The following MITF variants were observed in gnomAD, a reference collection of about 807,000 sequenced individuals.
MITF encodes the protein melanocyte inducing transcription factor.
In MITF, 17 loss-of-function variants were observed where a neutral mutation model predicts 60.5. The observed-to-expected ratio is 0.28, with a 90% CI of 0.19 to 0.42. MITF has a LOEUF of 0.42. MITF is among the 10% of genes least tolerant of loss of function. MITF has a pLI of 1.00. For missense variants in MITF, 622 were observed against 683.5 expected, an observed-to-expected ratio of 0.91 and a Z score of 1.00; for synonymous variants, 260 against 248.5, an observed-to-expected ratio of 1.05 and a Z score of -0.43.
chr3:69,764,782 C>T (rs969514479), intron 1 of MITF, among the ~76,000 whole-genome samples: 2 of 152,198 alleles, frequency 1.3e-5, no homozygotes, highest in East Asian at 1.9e-4. Context: ...TTTGTTTGTT[C>T]AGAGCCTTTG....
intron 1 of MITF, among the ~76,000 whole-genome samples, chr3:69,849,001 G>A (rs1029576078): frequency 9.1e-6 from 1 of 109,788 alleles, no homozygotes; most frequent in Non-Finnish European, 1.7e-5. Flanking sequence ...GTCTCGCTCT[G>A]TCGCCCAGGC....
intron 1 of MITF, among the ~76,000 whole-genome samples, chr3:69,818,866 C>T (rs1387113396): frequency 6.6e-6 from 1 of 152,044 alleles, no homozygotes; most frequent in Non-Finnish European, 1.5e-5. Context: ...ATGCTAGAGT[C>T]CCATGGGCAT....
chr3:69,906,138 A>C (rs1266154186), intron 2 of MITF, among the ~76,000 whole-genome samples: 4 of 152,194 alleles, frequency 2.6e-5, no homozygotes, highest in Non-Finnish European at 5.9e-5. Context: ...TTTTTATATA[A>C]GTTATAAAAC....
chr3:69,965,473 G>A lies in MITF; in HGVS notation c.*225G>A. ...CCTCCAAAGTATTGTACAAATAAGTGTGCAGTATCTGTGAACTGAATTCAC... is the reference window on the plus strand; with the variant it reads ...CCTCCAAAGTATTGTACAAATAAGTATGCAGTATCTGTGAACTGAATTCAC... On this transcript the variant is annotated 3_prime_UTR_variant, in exon 10 of 10. Coordinates refer to ENST00000352241, the MANE Select transcript of MITF (RefSeq NM_001354604.2). 1 of 482,386 alleles carries A rather than the reference G, an allele frequency of 2.1e-6. No homozygotes were observed. Among genetic ancestry groups the A allele is most frequent in the Non-Finnish European group, 3.7e-6 (1 of 270,094 alleles). The allele number at this position is 482,386 out of a possible 1,614,324, so 29.9% of individuals were successfully genotyped here.
intron 1 of MITF, among the ~76,000 whole-genome samples, chr3:69,787,491 TAC>T (rs1466218733): frequency 6.6e-6 from 1 of 152,228 alleles, no homozygotes; most frequent in East Asian, 1.9e-4. Flanking sequence ...TTCTTAGTAG[TAC>T]AGGCTAGACT....
intron 1 of MITF, among the ~76,000 whole-genome samples, chr3:69,831,578 C>T (rs60438183): frequency 0.17 from 25,419 of 152,026 alleles, 2,258 homozygotes; most frequent in Non-Finnish European, 0.21. Flanking sequence ...TCTTGATTTC[C>T]GGCAAGAGTT....
intron 5 of MITF, among the ~76,000 whole-genome samples, chr3:69,946,661 G>A (rs1022212232): frequency 2.6e-5 from 4 of 152,126 alleles, no homozygotes; most frequent in Admixed American, 2.6e-4. Context: ...CTCCTAATCA[G>A]CAAGTATGGG....
Position 69,967,328 on chromosome 3 carries a change from T to G in MITF, c.*2080T>G, listed in dbSNP as rs2066713855. On this transcript the variant is annotated 3_prime_UTR_variant, in exon 10 of 10. Transcript: ENST00000352241. The stretch of plus-strand genomic sequence containing the variant: ...CCTAGAATAGTGACGCAAATCTGCA[T>G]GAACAGCTAATTGTACCATAGTGTT... 4.3e-6 allele frequency: 1 copy of G among 232,542 alleles called. No homozygotes were observed. Among genetic ancestry groups the G allele is most frequent in the Non-Finnish European group, 8.5e-6 (1 of 117,410 alleles). The allele number at this position is 232,542 out of a possible 1,614,324, so 14.4% of individuals were successfully genotyped here.
intron 1 of MITF, among the ~76,000 whole-genome samples, chr3:69,809,801 A>G (rs932844427): frequency 6.6e-6 from 1 of 152,072 alleles, no homozygotes; most frequent in African/African-American, 2.4e-5. Context: ...CATGGCTTTT[A>G]GCATTATGGC....
At chr3:69,785,157 T>C (rs77423515) in intron 1 of MITF, among the ~76,000 whole-genome samples, 1,790 of 152,140 alleles carry the variant, frequency 0.012, 34 homozygotes, top group African/African-American at 0.042. Flanking sequence ...GCACTGAGCA[T>C]AATTCAGGTT....
rs12107261 is a variant in MITF, at chr3:69,880,700, A to G, written c.354+1317A>G. Among the ~76,000 whole-genome samples, 109 of 152,156 alleles carry G rather than the reference A, an allele frequency of 7.2e-4. 2 individuals are homozygous for G. Among genetic ancestry groups the G allele is most frequent in the African/African-American group, 2.4e-3 (100 of 41,560 alleles). On this transcript the variant is annotated intron_variant, in intron 2 of 9. Transcript: ENST00000352241. Reference sequence around the variant, plus strand: ...TCACTAAGTTTTTATAGATTTAAGAATTATTTAAGATTTATGTTGTTGTCT... The same window carrying G: ...TCACTAAGTTTTTATAGATTTAAGAGTTATTTAAGATTTATGTTGTTGTCT...
chr3:69,867,084 T>C (rs1428364537), intron 1 of MITF, among the ~76,000 whole-genome samples: 1 of 152,182 alleles, frequency 6.6e-6, no homozygotes, highest in Non-Finnish European at 1.5e-5. Flanking sequence ...TGTTAGGTGA[T>C]AAGATTTGAA....
chr3:69,910,333 G>A (rs1348549216), intron 2 of MITF, among the ~76,000 whole-genome samples: 1 of 152,190 alleles, frequency 6.6e-6, no homozygotes, highest in Non-Finnish European at 1.5e-5. Flanking sequence ...TAGGGGTGGG[G>A]CCCTCATGGA....
At chr3:69,763,442 A>T in intron 1 of MITF, 69 of 817,422 alleles carry the variant, frequency 8.4e-5, no homozygotes, top group Non-Finnish European at 1.0e-4. Flanking sequence ...ACCATCTAGC[A>T]CCTCCCTCCT....
At chr3:69,752,131 C>A (rs1703961281) in intron 1 of MITF, 1 of 152,148 alleles carries the variant, frequency 6.6e-6, no homozygotes, top group South Asian at 2.1e-4. Flanking sequence ...GCCCATGGAA[C>A]CATGAGTGAA....
Position 69,918,818 on chromosome 3 carries a change from G to A in MITF, c.355-19004G>A, listed in dbSNP as rs140052985. On this transcript the variant is annotated intron_variant, in intron 2 of 9. Coordinates refer to ENST00000352241, the MANE Select transcript of MITF (RefSeq NM_001354604.2). ...CTTCCTCTCTTATTTTCTTTTCTCT[G>A]AAGGGAGAGGGTGAGAATTGTTACA... is the stretch of plus-strand genomic sequence containing the variant. Among the ~76,000 whole-genome samples the A allele has an allele frequency of 1.1e-3, 167 of 152,264 alleles. 3 individuals carry two copies. Among genetic ancestry groups the A allele is most frequent in the Admixed American group, 9.5e-3 (146 of 15,304 alleles).
intron 1 of MITF, among the ~76,000 whole-genome samples, chr3:69,864,255 C>T (rs1488983269): frequency 1.3e-5 from 2 of 152,062 alleles, no homozygotes; most frequent in East Asian, 1.9e-4. Flanking sequence ...GATAAATAAA[C>T]GTCAGAATCT....
chr3:69,921,514 C>G (rs1420325726), intron 2 of MITF, among the ~76,000 whole-genome samples: 1 of 152,142 alleles, frequency 6.6e-6, no homozygotes, highest in Non-Finnish European at 1.5e-5. Context: ...TATAGCATAG[C>G]TTTTCCTGTC....
At chr3:69,883,741 C>G (rs935861769) in intron 2 of MITF, among the ~76,000 whole-genome samples, 8 of 152,038 alleles carry the variant, frequency 5.3e-5, no homozygotes, top group South Asian at 2.1e-4. Context: ...CCTTTGTCCC[C>G]TCAGTTAGGG....
Sources: allele counts gnomAD v4.1 joint callset (sites outside exome capture counted in the v4.1 genomes callset), GRCh38; gene constraint gnomAD v4.1.1; transcripts MANE v1.5; gene names NCBI Gene and HGNC (gene_info 2026-07-23, HGNC 2026-07-21).